RALYL: variants seen among roughly 807,000 people sequenced by gnomAD.
RALYL encodes the protein RNA-binding Raly-like protein.
In RALYL, 29 loss-of-function variants were observed where a neutral mutation model predicts 35.1. The observed-to-expected ratio is 0.83, with a 90% CI of 0.61 to 1.13. The LOEUF (loss-of-function observed/expected upper bound fraction) is 1.13, where lower values mean the gene tolerates loss of function less well. Ranked by LOEUF, RALYL falls within the 50% of genes most tolerant of loss-of-function variation. RALYL has a pLI of 0.00. For missense variants in RALYL, 359 were observed against 360.4 expected, an observed-to-expected ratio of 1.00 and a Z score of 0.03; for synonymous variants, 120 against 127.6, an observed-to-expected ratio of 0.94 and a Z score of 0.40.
intron 2 of RALYL, among the ~76,000 whole-genome samples, chr8:84,532,432 C>T (rs755913894): frequency 6.6e-6 from 1 of 152,012 alleles, no homozygotes; most frequent in Non-Finnish European, 1.5e-5. Flanking sequence ...TAATCACTTG[C>T]TTCTTGAGTT....
intron 5 of RALYL, among the ~76,000 whole-genome samples, chr8:84,858,794 C>T (rs1837540487): frequency 6.6e-6 from 1 of 152,142 alleles, no homozygotes; most frequent in Admixed American, 6.5e-5. Flanking sequence ...CGCAGAAAGC[C>T]TTCCCCGCTT....
rs2055060782 is a variant in RALYL at position 84,489,807 on chromosome 8, A to AT, written c.-23-39492_-23-39491insT. On this transcript the variant is annotated intron_variant, in intron 1 of 8. Coordinates refer to ENST00000521268, the MANE Select transcript of RALYL (RefSeq NM_173848.7). The stretch of plus-strand genomic sequence containing the variant: ...GTTGGAAATTCCATGTTAAGGACAC[A>AT]GAAAGACCCAAAGTGCATGGAAATA... Among the ~76,000 whole-genome samples the AT allele has an allele frequency of 2.6e-5, 4 of 152,176 alleles. No homozygotes were observed. The South Asian group carries it at 8.3e-4, about 32-fold the overall frequency.
chr8:84,357,574 A>T (rs1011280582), intron 1 of RALYL, among the ~76,000 whole-genome samples: 3 of 151,872 alleles, frequency 2.0e-5, no homozygotes, highest in South Asian at 2.1e-4. Context: ...ATTAAGAAAC[A>T]AGTTTTTAAT....
chr8:84,744,689 A>G (rs1424783911), intron 2 of RALYL, among the ~76,000 whole-genome samples: 1 of 152,008 alleles, frequency 6.6e-6, no homozygotes, highest in Non-Finnish European at 1.5e-5. Context: ...TTTCAAAGGA[A>G]GGTCATTAAC....
chr8:84,773,291 T>A (rs1481266385), intron 2 of RALYL, among the ~76,000 whole-genome samples: 8 of 152,226 alleles, frequency 5.3e-5, no homozygotes. Context: ...AGGATACATT[T>A]ATATTTTATC....
chr8:84,400,580 G>A (rs997200395), intron 1 of RALYL, among the ~76,000 whole-genome samples: 1 of 152,180 alleles, frequency 6.6e-6, no homozygotes, highest in Non-Finnish European at 1.5e-5. Flanking sequence ...TGGTGGCTAA[G>A]GAAGGGAACT....
intron 1 of RALYL, among the ~76,000 whole-genome samples, chr8:84,237,354 G>A (rs1826817777): frequency 6.6e-6 from 1 of 152,132 alleles, no homozygotes; most frequent in African/African-American, 2.4e-5. Flanking sequence ...GAATCTTAAA[G>A]GTATGCAGAG....
chr8:84,421,030 G>A (rs2045500623), intron 1 of RALYL, among the ~76,000 whole-genome samples: 1 of 125,526 alleles, frequency 8.0e-6, no homozygotes, highest in Non-Finnish European at 1.6e-5. Context: ...GGCAATGCGG[G>A]CTCTTTTTTG....
At chr8:84,702,699 T>C (rs1025411366) in intron 2 of RALYL, among the ~76,000 whole-genome samples, 1 of 152,204 alleles carries the variant, frequency 6.6e-6, no homozygotes, top group South Asian at 2.1e-4. Flanking sequence ...GTTTATATTA[T>C]ACATTTATAT....
chr8:84,728,900 A>C (rs534751359), intron 2 of RALYL, among the ~76,000 whole-genome samples: 114 of 152,316 alleles, frequency 7.5e-4, no homozygotes, highest in Non-Finnish European at 1.5e-3. Flanking sequence ...GTTTGAAGTC[A>C]GGTAGCGTGA....
At chr8:84,246,299 A>ATAGTAGTC (rs1197306588) in intron 1 of RALYL, among the ~76,000 whole-genome samples, 2 of 152,280 alleles carry the variant, frequency 1.3e-5, no homozygotes, top group African/African-American at 4.8e-5. Context: ...GCTCAGACCT[A>ATAGTAGTC]AGGCTATAGT....
intron 1 of RALYL, among the ~76,000 whole-genome samples, chr8:84,425,811 G>T (rs2046362634): frequency 3.3e-5 from 5 of 151,812 alleles, no homozygotes; most frequent in African/African-American, 4.8e-5. Flanking sequence ...GTGTGTGTGT[G>T]TGTGTGTGTG....
intron 1 of RALYL, among the ~76,000 whole-genome samples, chr8:84,378,382 G>A (rs921773751): frequency 4.6e-5 from 7 of 151,834 alleles, no homozygotes; most frequent in African/African-American, 1.7e-4. Flanking sequence ...ATGTGCATTT[G>A]AGAGTTTAAT....
At position 84,607,178 on chromosome 8, in the gene RALYL, C is replaced by A. The variant is rs185898320; in HGVS notation, c.256+77601C>A. 7.2e-5 allele frequency among the ~76,000 whole-genome samples: 11 copies of A among 152,100 alleles called. 1 individual carries two copies. The highest frequency in any genetic ancestry group is 4.6e-4 in the Admixed American group (7 of 15,258). ...TTCTTCTTCCTTCTCTTTTCCCCCCCCTTTTCTTCCTGCTTCTTTCTCCCA... is the reference window on the plus strand; with the variant it reads ...TTCTTCTTCCTTCTCTTTTCCCCCCACTTTTCTTCCTGCTTCTTTCTCCCA... On this transcript the variant is annotated intron_variant, in intron 2 of 8. Coordinates refer to ENST00000521268, the MANE Select transcript of RALYL (RefSeq NM_173848.7).
intron 1 of RALYL, among the ~76,000 whole-genome samples, chr8:84,259,896 A>G (rs1042904661): frequency 6.6e-6 from 1 of 152,158 alleles, no homozygotes; most frequent in African/African-American, 2.4e-5. Context: ...ATCCCCAAGA[A>G]CGGAGACCAG....
intron 1 of RALYL, among the ~76,000 whole-genome samples, chr8:84,314,073 C>A (rs936469532): frequency 5.3e-5 from 8 of 152,012 alleles, no homozygotes; most frequent in Non-Finnish European, 1.0e-4. Context: ...GGTGGAAGGT[C>A]AAGGGGAAGC....
intron 1 of RALYL, among the ~76,000 whole-genome samples, chr8:84,427,787 A>G (rs2046662100): frequency 1.3e-5 from 2 of 152,170 alleles, no homozygotes; most frequent in African/African-American, 2.4e-5. Flanking sequence ...CTTTGTCTTC[A>G]TAATCCTTGC....
At chr8:84,898,081 T>C (rs1014841600) in intron 8 of RALYL, among the ~76,000 whole-genome samples, 5 of 152,028 alleles carry the variant, frequency 3.3e-5, no homozygotes, top group African/African-American at 1.2e-4. Context: ...GGAAGAAAGG[T>C]ATGAAAGAAT....
intron 2 of RALYL, among the ~76,000 whole-genome samples, chr8:84,724,568 G>GTCACAGGC (rs757589470): frequency 7.2e-5 from 11 of 151,726 alleles, no homozygotes; most frequent in Non-Finnish European, 1.3e-4. Flanking sequence ...TTGGCCCACA[G>GTCACAGGC]TCACAGGCTT....
Sources: gnomAD v4.1 joint callset for allele counts (sites outside exome capture counted in the v4.1 genomes callset) on GRCh38, gnomAD v4.1.1 for gene constraint, MANE v1.5 for transcripts, NCBI Gene and HGNC (gene_info 2026-07-23, HGNC 2026-07-21) for gene names.